Variants in GRM7 observed in about 807,000 individuals in gnomAD.
The protein encoded by GRM7 is glutamate metabotropic receptor 7, also known as metabotropic glutamate receptor 7.
Under a neutral mutation model 84.5 loss-of-function variants are expected in GRM7, and 35 were observed. The observed-to-expected ratio is 0.41, with a 90% CI of 0.32 to 0.55. GRM7 has a LOEUF of 0.55. Ranked by LOEUF, GRM7 falls within the 20% of genes least tolerant of loss-of-function variation. The pLI is 0.19. For synonymous variants in GRM7, 487 were observed against 455.1 expected (o/e 1.07, Z -0.89); for missense variants, 1,003 against 1,194.6 (o/e 0.84, Z 2.36).
At chr3:6,982,795 GTCATGTATATTA>G (rs1045022633) in intron 1 of GRM7, among the ~76,000 whole-genome samples, 1 of 152,056 alleles carries the variant, frequency 6.6e-6, no homozygotes, top group African/African-American at 2.4e-5. Flanking sequence ...TATCAAAATT[GTCATGTATATTA>G]ATACCTTATT....
At chr3:7,452,268 C>T (rs755808572) in intron 5 of GRM7, among the ~76,000 whole-genome samples, 2 of 152,070 alleles carry the variant, frequency 1.3e-5, no homozygotes, top group Admixed American at 1.3e-4. Flanking sequence ...TCCATTTGAC[C>T]TTTCTAGAGT....
At chr3:7,562,026 A>C in intron 7 of GRM7, among the ~76,000 whole-genome samples, 1 of 152,052 alleles carries the variant, frequency 6.6e-6, no homozygotes, top group East Asian at 1.9e-4. Context: ...TGAAACTCCA[A>C]CTGCTTGAGT....
At chr3:7,257,984 C>T (rs1208275844) in intron 2 of GRM7, among the ~76,000 whole-genome samples, 1 of 152,132 alleles carries the variant, frequency 6.6e-6, no homozygotes, top group African/African-American at 2.4e-5. Context: ...CATGCATGGG[C>T]CACAAGGCTA....
chr3:6,875,452 C>T (rs751898827), intron 1 of GRM7, among the ~76,000 whole-genome samples: 26 of 152,164 alleles, frequency 1.7e-4, no homozygotes, highest in East Asian at 9.7e-4. Context: ...GTTTTATAAA[C>T]GAGAGTTCCC....
intron 2 of GRM7, among the ~76,000 whole-genome samples, chr3:7,207,201 G>C (rs150164954): frequency 1.3e-5 from 2 of 152,260 alleles, no homozygotes; most frequent in East Asian, 3.9e-4. Flanking sequence ...TTAGAGACAT[G>C]GGGACAGTGG....
intron 1 of GRM7, among the ~76,000 whole-genome samples, chr3:6,868,689 T>A (rs527747746): frequency 2.6e-5 from 4 of 152,190 alleles, no homozygotes; most frequent in Admixed American, 2.6e-4. Flanking sequence ...TTCAGATATA[T>A]GTGCAAAGTG....
In GRM7 at chr3:6,910,873, TG is replaced by T. The variant is rs890970313; in HGVS notation, c.519+48968del. ...TTGAGAAAGATTGATTTCTTAGTCA[TG>T]GAGGAGCACTGTCCCATCTAACAGA... On this transcript the variant is annotated intron_variant, in intron 1 of 9. Transcript: ENST00000357716. Among the ~76,000 whole-genome samples, 41 of 152,270 alleles carry T rather than the reference TG, an allele frequency of 2.7e-4. 1 individual carries two copies. The highest frequency in any genetic ancestry group is 7.9e-4 in the Admixed American group (12 of 15,278).
intron 2 of GRM7, among the ~76,000 whole-genome samples, chr3:7,252,909 C>G (rs570087151): frequency 1.9e-4 from 27 of 145,452 alleles, no homozygotes; most frequent in Non-Finnish European, 2.5e-4. Flanking sequence ...CCAATATGGT[C>G]TTGATTTCTT....
intron 1 of GRM7, among the ~76,000 whole-genome samples, chr3:7,024,312 G>C (rs975144881): frequency 1.3e-5 from 2 of 152,174 alleles, no homozygotes; most frequent in Admixed American, 1.3e-4. Flanking sequence ...ATGCCATCCT[G>C]CTATGCAATG....
chr3:7,068,975 A>G (rs577692526), intron 1 of GRM7, among the ~76,000 whole-genome samples: 19 of 151,850 alleles, frequency 1.3e-4, no homozygotes, highest in African/African-American at 4.3e-4. Context: ...TTTGAATTGC[A>G]GGCTTTCCCT....
chr3:7,009,950 C>T (rs1695312347), intron 1 of GRM7, among the ~76,000 whole-genome samples: 1 of 152,198 alleles, frequency 6.6e-6, no homozygotes. Flanking sequence ...CATTTAGCAA[C>T]TTTGATCTTT....
intron 2 of GRM7, among the ~76,000 whole-genome samples, chr3:7,186,709 C>A (rs763045518): frequency 6.6e-6 from 1 of 151,982 alleles, no homozygotes; most frequent in Non-Finnish European, 1.5e-5. Context: ...TTGTCATAAC[C>A]GTCTTTAGCT....
At chr3:7,143,985 G>A (rs898054995) in intron 1 of GRM7, among the ~76,000 whole-genome samples, 5 of 151,858 alleles carry the variant, frequency 3.3e-5, no homozygotes, top group African/African-American at 7.3e-5. Context: ...AACTACAATC[G>A]ACACGTAGGT....
At chr3:7,429,493 A>G (rs934564700) in intron 5 of GRM7, among the ~76,000 whole-genome samples, 26 of 152,260 alleles carry the variant, frequency 1.7e-4, no homozygotes, top group African/African-American at 5.3e-4. Context: ...ATATTTTTCC[A>G]TATGTTTGGG....
At chr3:7,729,752 C>A (rs1315877971) in intron 9 of GRM7, among the ~76,000 whole-genome samples, 1 of 151,726 alleles carries the variant, frequency 6.6e-6, no homozygotes, top group Non-Finnish European at 1.5e-5. Flanking sequence ...TGTTGCCAGG[C>A]TGGAGTGCAA....
At chr3:7,605,471 T>C (rs2125074399) in intron 8 of GRM7, among the ~76,000 whole-genome samples, 1 of 152,264 alleles carries the variant, frequency 6.6e-6, no homozygotes. Context: ...CTATATACGA[T>C]TTATACAAAT....
At chr3:6,987,188 G>C (rs1197545797) in intron 1 of GRM7, among the ~76,000 whole-genome samples, 1 of 151,576 alleles carries the variant, frequency 6.6e-6, no homozygotes, top group Admixed American at 6.6e-5. Flanking sequence ...ACTGTTTCTT[G>C]TGCACTTACT....
At chr3:7,153,436 A>C (rs1399049464) in intron 2 of GRM7, among the ~76,000 whole-genome samples, 1 of 152,028 alleles carries the variant, frequency 6.6e-6, no homozygotes, top group Non-Finnish European at 1.5e-5. Context: ...AGAGAGTAAA[A>C]TTCTCGAGGC....
chr3:7,203,300 A>C (rs933595041), intron 2 of GRM7, among the ~76,000 whole-genome samples: 3 of 152,108 alleles, frequency 2.0e-5, no homozygotes, highest in Non-Finnish European at 4.4e-5. Context: ...ATGCGTGAGA[A>C]TATGTAGCAT....
Sources: gnomAD v4.1 joint callset for allele counts (sites outside exome capture counted in the v4.1 genomes callset) on GRCh38, gnomAD v4.1.1 for gene constraint, MANE v1.5 for transcripts, NCBI Gene and HGNC (gene_info 2026-07-23, HGNC 2026-07-21) for gene names.